The following ARHGEF4 variants were observed in gnomAD, a reference collection of about 807,000 sequenced individuals.
ARHGEF4 encodes Rho guanine nucleotide exchange factor 4.
Under a neutral mutation model 162.0 loss-of-function variants are expected in ARHGEF4, and 119 were observed. The observed-to-expected ratio is 0.73, with a 90% CI of 0.63 to 0.86. The LOEUF (loss-of-function observed/expected upper bound fraction) is 0.86, where lower values mean the gene tolerates loss of function less well. Ranked by LOEUF, ARHGEF4 falls within the 40% of genes least tolerant of loss-of-function variation. The pLI is 0.00. For missense variants in ARHGEF4, 2,488 were observed against 2,456.0 expected, an observed-to-expected ratio of 1.01 and a Z score of -0.28; for synonymous variants, 1,014 against 979.9, an observed-to-expected ratio of 1.03 and a Z score of -0.65.
intron 1 of ARHGEF4, among the ~76,000 whole-genome samples, chr2:130,911,194 G>A (rs1681162186): frequency 6.6e-6 from 1 of 152,182 alleles, no homozygotes; most frequent in African/African-American, 2.4e-5. Context: ...TGATGGGCTG[G>A]TAGTCAGCAG....
At chr2:131,041,607 A>G (rs115456490) in intron 9 of ARHGEF4, 145 bp downstream of exon 9, 12,641 of 1,090,848 alleles carry the variant, frequency 0.012, 105 homozygotes, top group Non-Finnish European at 0.014. Flanking sequence ...GCTCCTTGCA[A>G]TGGGGGAAGA....
At chr2:130,885,638 C>T (rs1166315565) in intron 1 of ARHGEF4, among the ~76,000 whole-genome samples, 3 of 144,170 alleles carry the variant, frequency 2.1e-5, no homozygotes, top group African/African-American at 7.8e-5. Flanking sequence ...TGTGCAATCT[C>T]GGCTCACTGC....
intron 6 of ARHGEF4, 159 bp from the exon 7 acceptor site, chr2:131,039,856 CG>C (rs1488655232): frequency 7.0e-7 from 1 of 1,428,438 alleles, no homozygotes; most frequent in African/African-American, 1.5e-5. Flanking sequence ...CCAGGACTTG[CG>C]TGGGTGGCGT....
At chr2:130,935,518 G>T (rs1301728426) in intron 3 of ARHGEF4, among the ~76,000 whole-genome samples, 1 of 152,158 alleles carries the variant, frequency 6.6e-6, no homozygotes, top group Non-Finnish European at 1.5e-5. Context: ...CAACTAGAAA[G>T]TTCCCTCTCA....
At chr2:130,888,359 T>A (rs891539875) in intron 1 of ARHGEF4, among the ~76,000 whole-genome samples, 4 of 151,882 alleles carry the variant, frequency 2.6e-5, no homozygotes, top group African/African-American at 9.7e-5. Flanking sequence ...TAATCCCAGC[T>A]ACTGGAGAGT....
intron 4 of ARHGEF4, among the ~76,000 whole-genome samples, chr2:130,972,194 C>T (rs901067167): frequency 6.6e-6 from 1 of 152,006 alleles, no homozygotes; most frequent in Admixed American, 6.6e-5. Context: ...ATTATATTGC[C>T]GCGAAAATAA....
intron 1 of ARHGEF4, among the ~76,000 whole-genome samples, chr2:130,881,797 G>A (rs11902649): frequency 0.017 from 2,554 of 152,218 alleles, 96 homozygotes; most frequent in African/African-American, 0.057. Flanking sequence ...CAGCCAGTGA[G>A]GACCACAGGC....
chr2:130,876,761 A>C (rs1373245800), intron 1 of ARHGEF4, among the ~76,000 whole-genome samples: 3 of 152,276 alleles, frequency 2.0e-5, no homozygotes, highest in Middle Eastern at 3.4e-3. Context: ...AATCTAAGAG[A>C]GTTAAAGTAA....
chr2:130,902,119 A>T (rs1254825142), intron 1 of ARHGEF4, among the ~76,000 whole-genome samples: 1 of 152,184 alleles, frequency 6.6e-6, no homozygotes, highest in Non-Finnish European at 1.5e-5. Flanking sequence ...GGAAATTTTA[A>T]GTAATAAAAA....
chr2:130,850,770 C>G (rs1681354460), intron 1 of ARHGEF4, among the ~76,000 whole-genome samples: 1 of 152,218 alleles, frequency 6.6e-6, no homozygotes, highest in African/African-American at 2.4e-5. Context: ...GTGAGCAGAG[C>G]CACACGGGAA....
At chr2:130,925,613 AGTTATTTTCTT>A (rs1682195289) in intron 2 of ARHGEF4, among the ~76,000 whole-genome samples, 1 of 152,202 alleles carries the variant, frequency 6.6e-6, no homozygotes, top group Non-Finnish European at 1.5e-5. Flanking sequence ...CTAAGTTAAT[AGTTATTTTCTT>A]GAAAAGTGAC....
At chr2:130,910,049 G>A (rs567798186) in intron 1 of ARHGEF4, among the ~76,000 whole-genome samples, 16 of 152,222 alleles carry the variant, frequency 1.1e-4, no homozygotes, top group African/African-American at 3.9e-4. Context: ...TGAAAGCAGG[G>A]CCTGTCTGGG....
Position 131,046,122 on chromosome 2 carries a change from C to G in ARHGEF4, c.5564C>G (p.Ala1855Gly), listed in dbSNP as rs773406931. 3 of 1,612,772 alleles carry G rather than the reference C, an allele frequency of 1.9e-6. No individual in the cohort carries two copies. The highest frequency in any genetic ancestry group is 1.7e-6 in the Non-Finnish European group (2 of 1,179,888). The change falls in exon 14 of 14, where the codon GCG (alanine) becomes GGG (glycine). Residue 1855 changes from alanine to glycine, a missense_variant. By Grantham distance (60) the Ala-to-Gly change is moderately conservative. Around this residue, in one of 6 missense-constraint regions of ARHGEF4, gnomAD observed 415 missense variants for 512.4 expected, o/e 0.81. Transcript: ENST00000409359. The stretch of plus-strand genomic sequence containing the variant: ...CCCCAGCAGCAGGTCCTGGTGCTGG[C>G]GGAGCCCAGGCGCAAGCCATCTACC... ...NRPQQQVLVL[A>G]EPRRKPSTFW...
chr2:131,029,134 G>T (rs1319255941), intron 5 of ARHGEF4, among the ~76,000 whole-genome samples: 1 of 152,172 alleles, frequency 6.6e-6, no homozygotes, highest in Non-Finnish European at 1.5e-5. Context: ...GCTGAGACGG[G>T]TGTATCACCT....
At chr2:131,024,149 T>G (rs183851461) in intron 4 of ARHGEF4, among the ~76,000 whole-genome samples, 1 of 152,238 alleles carries the variant, frequency 6.6e-6, no homozygotes, top group African/African-American at 2.4e-5. Context: ...ACTGGACTTA[T>G]GAAAGCTAGA....
chr2:131,005,728 G>A (rs1688079179), intron 4 of ARHGEF4, among the ~76,000 whole-genome samples: 3 of 152,168 alleles, frequency 2.0e-5, no homozygotes, highest in Non-Finnish European at 4.4e-5. Context: ...GGGCCAGGCT[G>A]TGTGGGCACT....
At chr2:131,043,810 G>A in intron 11 of ARHGEF4, 1 of 578,540 alleles carries the variant, frequency 1.7e-6, no homozygotes, top group South Asian at 2.0e-5. Context: ...TTGAGAGCAT[G>A]ATCTTTCCTG....
chr2:130,921,389 G>A (rs1386009881), intron 2 of ARHGEF4, among the ~76,000 whole-genome samples: 1 of 152,140 alleles, frequency 6.6e-6, no homozygotes, highest in Admixed American at 6.5e-5. Flanking sequence ...GCCCGTTTGG[G>A]GCTGCTGTGA....
chr2:130,981,237 A>G (rs184994125), intron 4 of ARHGEF4, among the ~76,000 whole-genome samples: 218 of 152,356 alleles, frequency 1.4e-3, no homozygotes, highest in African/African-American at 5.1e-3. Flanking sequence ...TAGAACAAAT[A>G]ATGACTTGCT....
Sources: gnomAD v4.1 joint callset for allele counts (sites outside exome capture counted in the v4.1 genomes callset) on GRCh38, gnomAD v4.1.1 for gene constraint, gnomAD v4.1.1 regional missense constraint, MANE v1.5 for transcripts, NCBI Gene and HGNC (gene_info 2026-07-23, HGNC 2026-07-21) for gene names.